The following CHCHD6 variants were observed in gnomAD, a reference collection of about 807,000 sequenced individuals.
The protein encoded by CHCHD6 is coiled-coil-helix-coiled-coil-helix domain containing 6.
CHCHD6 carries 28 observed loss-of-function variants against 32.3 expected under a neutral mutation model. That is an observed-to-expected ratio of 0.87 (90% CI 0.64 to 1.19). The LOEUF is 1.19. CHCHD6 is among the 50% of genes most tolerant of loss of function. The pLI is 0.00. For synonymous variants in CHCHD6, 122 were observed against 117.5 expected, an observed-to-expected ratio of 1.04 and a Z score of -0.25; for missense variants, 333 against 307.0, an observed-to-expected ratio of 1.08 and a Z score of -0.63.
intron 5 of CHCHD6, among the ~76,000 whole-genome samples, chr3:126,864,848 TCTC>T (rs1942196347): frequency 1.6e-5 from 1 of 60,904 alleles, no homozygotes; most frequent in Admixed American, 1.6e-4. Flanking sequence ...TCCACCATCA[TCTC>T]CTCTTCCTCC....
At chr3:126,861,585 C>T (rs1209579673) in intron 5 of CHCHD6, among the ~76,000 whole-genome samples, 2 of 151,676 alleles carry the variant, frequency 1.3e-5, no homozygotes, top group Non-Finnish European at 2.9e-5. Flanking sequence ...CCTCATCCTC[C>T]ATCACTACCT....
At chr3:126,816,438 AG>A (rs1299892614) in intron 4 of CHCHD6, among the ~76,000 whole-genome samples, 1 of 152,164 alleles carries the variant, frequency 6.6e-6, no homozygotes, top group East Asian at 1.9e-4. Flanking sequence ...TTTTGCTAAG[AG>A]CAGAGGCGCT....
chr3:126,751,503 C>CAA (rs774893414), intron 4 of CHCHD6, among the ~76,000 whole-genome samples: 3,560 of 71,598 alleles, frequency 0.05, 110 homozygotes, highest in South Asian at 0.18. Flanking sequence ...GACCCTGTCT[C>CAA]AAAAAAAAAA....
Position 126,816,440 on chromosome 3 carries a change from C to T in CHCHD6, c.412-36207C>T, listed in dbSNP as rs141190845. Reference sequence around the variant, plus strand: ...CTCACAACCCACATTTTGCTAAGAGCAGAGGCGCTCAGCACTGGACTTCTT... The same window carrying T: ...CTCACAACCCACATTTTGCTAAGAGTAGAGGCGCTCAGCACTGGACTTCTT... On this transcript the variant is annotated intron_variant, in intron 4 of 7. Coordinates refer to ENST00000290913, the MANE Select transcript of CHCHD6 (RefSeq NM_032343.3). 3.1e-3 allele frequency among the ~76,000 whole-genome samples: 473 copies of T among 152,318 alleles called. 3 individuals are homozygous for T. Among genetic ancestry groups the T allele is most frequent in the African/African-American group, 0.011 (454 of 41,580 alleles).
In CHCHD6 at chr3:126,772,055, G is replaced by C. The variant is rs561005654; in HGVS notation, c.411+38833G>C. 2.0e-5 allele frequency among the ~76,000 whole-genome samples: 3 copies of C among 149,794 alleles called. No homozygotes were observed. In the South Asian group the frequency reaches 6.4e-4, roughly 32 times the overall value. On this transcript the variant is annotated intron_variant, in intron 4 of 7. Coordinates refer to ENST00000290913, the MANE Select transcript of CHCHD6 (RefSeq NM_032343.3). The stretch of plus-strand genomic sequence containing the variant: ...GTGGTCTCTCTAATACTGTCATGGG[G>C]TGTTGAAATCTACACCTACTATTAT...
intron 5 of CHCHD6, among the ~76,000 whole-genome samples, chr3:126,909,921 T>C (rs2078062127): frequency 6.6e-6 from 1 of 152,202 alleles, no homozygotes; most frequent in Admixed American, 6.5e-5. Flanking sequence ...TCTCGAGAAC[T>C]GACGGCCTAG....
intron 5 of CHCHD6, among the ~76,000 whole-genome samples, chr3:126,895,947 A>G (rs563939379): frequency 6.6e-6 from 1 of 152,350 alleles, no homozygotes; most frequent in Admixed American, 6.5e-5. Flanking sequence ...CCTCTGGCTT[A>G]TGGTGTGCTA....
intron 5 of CHCHD6, among the ~76,000 whole-genome samples, chr3:126,896,408 G>A (rs2077839982): frequency 1.3e-5 from 2 of 152,106 alleles, no homozygotes; most frequent in South Asian, 4.1e-4. Context: ...AGGTGACAGG[G>A]CTCTGGTCAG....
chr3:126,781,169 A>G (rs1220650251), intron 4 of CHCHD6, among the ~76,000 whole-genome samples: 1 of 151,978 alleles, frequency 6.6e-6, no homozygotes, highest in Non-Finnish European at 1.5e-5. Context: ...CAAAACTAGG[A>G]CTCCACTGGC....
At chr3:126,879,181 A>T (rs1407439957) in intron 5 of CHCHD6, among the ~76,000 whole-genome samples, 1 of 152,146 alleles carries the variant, frequency 6.6e-6, no homozygotes, top group Admixed American at 6.5e-5. Context: ...TGCCCTATTT[A>T]TTCAGCTATT....
intron 4 of CHCHD6, among the ~76,000 whole-genome samples, chr3:126,816,340 A>G (rs1939897224): frequency 6.6e-6 from 1 of 152,200 alleles, no homozygotes; most frequent in African/African-American, 2.4e-5. Flanking sequence ...CTTAAACATA[A>G]GCAGCCACAG....
chr3:126,957,880 C>T (rs2107611096), intron 7 of CHCHD6: 1 of 428,720 alleles, frequency 2.3e-6, no homozygotes, highest in Middle Eastern at 6.8e-4. Flanking sequence ...GACTTCTTAG[C>T]CCTCGGCACT....
At chr3:126,815,587 C>T (rs1939852886) in intron 4 of CHCHD6, among the ~76,000 whole-genome samples, 1 of 151,874 alleles carries the variant, frequency 6.6e-6, no homozygotes, top group Non-Finnish European at 1.5e-5. Context: ...CAAGTCTCTG[C>T]TCTTTCCATA....
intron 5 of CHCHD6, among the ~76,000 whole-genome samples, chr3:126,890,136 C>T (rs1462123246): frequency 1.3e-5 from 2 of 152,246 alleles, no homozygotes; most frequent in South Asian, 2.1e-4. Flanking sequence ...ATGTGCCAGC[C>T]GCCTGGAAAG....
rs527635868 is a variant in CHCHD6, at chr3:126,747,865, G to T, written c.411+14643G>T. On this transcript the variant is annotated intron_variant, in intron 4 of 7. Coordinates refer to ENST00000290913, the MANE Select transcript of CHCHD6 (RefSeq NM_032343.3). ...ATCTGGGCCTGGGCTCCTGGGGGCC[G>T]CTAGAGGCTGGATGGTTGGGTTCTC... Among the ~76,000 whole-genome samples, 8 of 152,242 alleles carry T rather than the reference G, an allele frequency of 5.3e-5. No homozygotes were observed. The South Asian group carries it at 1.7e-3, about 32-fold the overall frequency.
chr3:126,829,697 C>T (rs1428509587), intron 4 of CHCHD6, among the ~76,000 whole-genome samples: 1 of 152,076 alleles, frequency 6.6e-6, no homozygotes, highest in African/African-American at 2.4e-5. Context: ...CATGTGACGA[C>T]AGAGCAAGAA....
At chr3:126,713,871 A>G (rs1934876333) in intron 1 of CHCHD6, among the ~76,000 whole-genome samples, 1 of 152,070 alleles carries the variant, frequency 6.6e-6, no homozygotes, top group Non-Finnish European at 1.5e-5. Context: ...GAGGCTTTAG[A>G]TCGAGACCAT....
intron 5 of CHCHD6, among the ~76,000 whole-genome samples, chr3:126,907,451 T>C (rs1411596088): frequency 6.6e-6 from 1 of 152,236 alleles, no homozygotes; most frequent in African/African-American, 2.4e-5. Flanking sequence ...TTTATATTGA[T>C]TATTTGGACC....
chr3:126,874,512 T>G (rs1366526720), intron 5 of CHCHD6, among the ~76,000 whole-genome samples: 2 of 152,168 alleles, frequency 1.3e-5, no homozygotes, highest in Non-Finnish European at 2.9e-5. Flanking sequence ...CCTCATCACC[T>G]GAGGCTGCAG....
Sources: gnomAD v4.1 joint callset for allele counts (sites outside exome capture counted in the v4.1 genomes callset) on GRCh38, gnomAD v4.1.1 for gene constraint, MANE v1.5 for transcripts, NCBI Gene and HGNC (gene_info 2026-07-23, HGNC 2026-07-21) for gene names.